SCAPER: variants seen among roughly 807,000 people sequenced by gnomAD.
The protein encoded by SCAPER is S-phase cyclin A associated protein in the ER.
Under a neutral mutation model 182.2 loss-of-function variants are expected in SCAPER, and 98 were observed. The observed-to-expected ratio is 0.54, with a 90% CI of 0.46 to 0.64. The LOEUF (loss-of-function observed/expected upper bound fraction) is 0.64. SCAPER is among the 30% of genes least tolerant of loss of function. The pLI, the probability that SCAPER is intolerant of heterozygous loss-of-function variation, is 0.00. For synonymous variants in SCAPER, 605 were observed against 564.6 expected (o/e 1.07, Z -1.01); for missense variants, 1,432 against 1,690.0 (o/e 0.85, Z 2.68).
intron 27 of SCAPER, among the ~76,000 whole-genome samples, chr15:76,403,060 G>A (rs932570319): frequency 1.3e-5 from 2 of 152,186 alleles, no homozygotes; most frequent in East Asian, 1.9e-4. Context: ...TTGAGATGCT[G>A]GCAGGTTTGT....
At chr15:76,391,868 G>A (rs1344831886) in intron 27 of SCAPER, among the ~76,000 whole-genome samples, 1 of 152,184 alleles carries the variant, frequency 6.6e-6, no homozygotes, top group Admixed American at 6.5e-5. Context: ...CCAAGTAAGT[G>A]GCATAAATGG....
At chr15:76,682,120 CAG>C (rs908160135) in intron 20 of SCAPER, among the ~76,000 whole-genome samples, 3 of 152,176 alleles carry the variant, frequency 2.0e-5, no homozygotes, top group Non-Finnish European at 2.9e-5. Flanking sequence ...ATCTGACCAT[CAG>C]AGAGCTCCGT....
Position 76,886,232 on chromosome 15 carries a change from C to T in SCAPER, c.-59-2356G>A, listed in dbSNP as rs56106390. Among the ~76,000 whole-genome samples the T allele has an allele frequency of 5.7e-3, 865 of 152,320 alleles. 5 individuals carry two copies. Among genetic ancestry groups the T allele is most frequent in the Non-Finnish European group, 7.4e-3 (506 of 68,040 alleles). ...CAGTGGCTCACGCCTGTAATCCCAC[C>T]ACACTGGGAGGCCGAGGTGGGCAGA... On this transcript the variant is annotated intron_variant, in intron 1 of 31. Transcript: ENST00000563290.
chr15:76,366,074 TACTTACAC>T (rs2041788946), intron 29 of SCAPER, among the ~76,000 whole-genome samples: 1 of 142,066 alleles, frequency 7.0e-6, no homozygotes, highest in Non-Finnish European at 1.5e-5. Context: ...GAGAACTGAT[TACTTACAC>T]ACTTACACAC....
At chr15:76,804,488 G>T (rs367860395) in intron 6 of SCAPER, 45 bp downstream of exon 6, 1 of 1,316,502 alleles carries the variant, frequency 7.6e-7, no homozygotes, top group South Asian at 1.3e-5. Context: ...GATTGCTATT[G>T]AAACTGCTGG....
At chr15:76,368,806 C>T (rs757894905) in intron 29 of SCAPER, among the ~76,000 whole-genome samples, 6 of 152,098 alleles carry the variant, frequency 3.9e-5, no homozygotes, top group Non-Finnish European at 8.8e-5. Context: ...TAGTAATATG[C>T]AGGCAGTCAA....
chr15:76,851,758 C>G (rs2070777217), intron 4 of SCAPER, among the ~76,000 whole-genome samples: 1 of 152,092 alleles, frequency 6.6e-6, no homozygotes, highest in Non-Finnish European at 1.5e-5. Context: ...AGATCAGGGA[C>G]ACTATAAAGC....
At chr15:76,386,774 G>A (rs1037980946) in intron 27 of SCAPER, among the ~76,000 whole-genome samples, 3 of 152,326 alleles carry the variant, frequency 2.0e-5, no homozygotes, top group South Asian at 2.1e-4. Flanking sequence ...TGGCTAGAGC[G>A]GGTTGAGTAA....
chr15:76,812,818 A>G (rs777267803), intron 5 of SCAPER, among the ~76,000 whole-genome samples: 34 of 152,112 alleles, frequency 2.2e-4, no homozygotes, highest in Non-Finnish European at 5.0e-4. Context: ...AATGAAGAAA[A>G]GTCCAAAACC....
intron 20 of SCAPER, among the ~76,000 whole-genome samples, chr15:76,690,895 A>G (rs2147125902): frequency 6.6e-6 from 1 of 152,222 alleles, no homozygotes; most frequent in East Asian, 1.9e-4. Context: ...GATATGAATA[A>G]AAAACTTCTA....
chr15:76,625,831 A>G (rs988926305), intron 21 of SCAPER, among the ~76,000 whole-genome samples: 16 of 152,084 alleles, frequency 1.1e-4, no homozygotes, highest in African/African-American at 3.6e-4. Context: ...GAGCCTCTCC[A>G]GGCTCCCAGC....
At position 76,848,944 on chromosome 15, in the gene SCAPER, G is replaced by C. The variant is rs2070428356; in HGVS notation, c.196-7013C>G. On this transcript the variant is annotated intron_variant, in intron 4 of 31. Transcript: ENST00000563290. ...GAGCATACCCACTGTTAGTGACACA[G>C]AGTTTCCCTGAGAAGAGGCTCCCAA... Among the ~76,000 whole-genome samples, 3 of 152,192 alleles carry C rather than the reference G, an allele frequency of 2.0e-5. No homozygotes were observed. In the East Asian group the frequency reaches 5.8e-4, roughly 30 times the overall value.
intron 6 of SCAPER, among the ~76,000 whole-genome samples, chr15:76,800,907 C>A (rs2065737431): frequency 6.6e-6 from 1 of 152,074 alleles, no homozygotes; most frequent in South Asian, 2.1e-4. Context: ...TTAACGTCTA[C>A]TCCTCCTCCT....
intron 25 of SCAPER, among the ~76,000 whole-genome samples, chr15:76,452,424 T>C (rs192277845): frequency 1.3e-5 from 2 of 152,368 alleles, no homozygotes; most frequent in African/African-American, 4.8e-5. Flanking sequence ...CATCAGCGTT[T>C]TGTTCAAATT....
intron 23 of SCAPER, among the ~76,000 whole-genome samples, chr15:76,562,970 C>T (rs2046758451): frequency 6.6e-6 from 1 of 152,114 alleles, no homozygotes; most frequent in African/African-American, 2.4e-5. Context: ...CATCAAAATG[C>T]AGACAGTAGG....
At chr15:76,434,403 T>A (rs910587379) in intron 25 of SCAPER, 93 bp from the exon 26 acceptor site, 7 of 909,566 alleles carry the variant, frequency 7.7e-6, no homozygotes, top group Non-Finnish European at 1.2e-5. Flanking sequence ...CATAAGTAAT[T>A]TTGACAATCT....
chr15:76,819,405 A>G (rs1272982518), intron 5 of SCAPER, among the ~76,000 whole-genome samples: 1 of 152,218 alleles, frequency 6.6e-6, no homozygotes, highest in African/African-American at 2.4e-5. Context: ...AGGAACGATC[A>G]GGCAGCAGCA....
chr15:76,555,898 A>G lies in SCAPER; in HGVS notation c.2838+18260T>C, dbSNP rs148818735. Among the ~76,000 whole-genome samples, 14 of 152,364 alleles carry G rather than the reference A, an allele frequency of 9.2e-5. No homozygotes were observed. In the East Asian group the frequency reaches 2.7e-3, roughly 29 times the overall value. On this transcript the variant is annotated intron_variant, in intron 23 of 31. Coordinates refer to ENST00000563290, the MANE Select transcript of SCAPER (RefSeq NM_020843.4). ...CCAAATGACCCTAATAGACATGAAC[A>G]GAACTGTCCTCCCCCAAATAACAGA...
At chr15:76,825,768 A>G (rs1490945050) in intron 5 of SCAPER, among the ~76,000 whole-genome samples, 1 of 152,158 alleles carries the variant, frequency 6.6e-6, no homozygotes, top group Non-Finnish European at 1.5e-5. Flanking sequence ...TTTTTGAGAC[A>G]GAGTCTCGCT....
Sources: gnomAD v4.1 joint callset for allele counts (sites outside exome capture counted in the v4.1 genomes callset) on GRCh38, gnomAD v4.1.1 for gene constraint, MANE v1.5 for transcripts, NCBI Gene and HGNC (gene_info 2026-07-23, HGNC 2026-07-21) for gene names.